CELF2: variants seen among roughly 807,000 people sequenced by gnomAD.
CELF2 encodes the protein CUGBP Elav-like family member 2, also known as CUG triplet repeat RNA-binding protein 2.
CELF2 carries 8 observed loss-of-function variants against 62.6 expected under a neutral mutation model. The observed-to-expected ratio is 0.13, with a 90% CI of 0.07 to 0.23. CELF2 has a LOEUF of 0.23. Among genes scored for constraint, CELF2 ranks in the 10% least tolerant of loss-of-function variants. CELF2 has a pLI of 1.00. For missense variants in CELF2, 333 were observed against 671.0 expected, an observed-to-expected ratio of 0.50 and a Z score of 5.56; for synonymous variants, 258 against 250.0, an observed-to-expected ratio of 1.03 and a Z score of -0.30.
At chr10:11,190,560 T>C (rs1051949375) in intron 2 of CELF2, among the ~76,000 whole-genome samples, 1 of 151,776 alleles carries the variant, frequency 6.6e-6, no homozygotes, top group East Asian at 1.9e-4. Context: ...AAGAAATGGC[T>C]GTTTAATCAC....
chr10:11,004,362 T>A (rs2054839787), upstream of CELF2, among the ~76,000 whole-genome samples: 1 of 152,132 alleles, frequency 6.6e-6, no homozygotes, highest in African/African-American at 2.4e-5. The surrounding 1 kb of genome is among the most constrained non-coding windows in gnomAD (Gnocchi z 5.0). Context: ...TAGCTTGCAC[T>A]TTTGATGACG....
intron 1 of CELF2, among the ~76,000 whole-genome samples, chr10:10,857,652 TATATA>T (rs1564727284): frequency 3.5e-4 from 28 of 80,202 alleles, no homozygotes; most frequent in Admixed American, 6.8e-4. Flanking sequence ...ATATATAGTA[TATATA>T]TATATATATA....
intron 1 of CELF2, among the ~76,000 whole-genome samples, chr10:11,130,117 C>G (rs2059393021): frequency 6.6e-6 from 1 of 152,170 alleles, no homozygotes; most frequent in Admixed American, 6.5e-5. Context: ...TTTCTGCCTT[C>G]ATTTCATTAT....
rs1421183323 is a variant in CELF2 at position 11,246,819 on chromosome 10, A to G, written c.355-2334A>G. Among the ~76,000 whole-genome samples, 2 of 152,264 alleles carry G rather than the reference A, an allele frequency of 1.3e-5. No individual in the cohort carries two copies. Among genetic ancestry groups the G allele is most frequent in the African/African-American group, 4.8e-5 (2 of 41,548 alleles). On this transcript the variant is annotated intron_variant, in intron 3 of 12. Transcript: ENST00000633077. The surrounding 1 kb of genome is among the most constrained non-coding windows in gnomAD (Gnocchi z 4.6). ...TGGCTTCACTGTCACGCTAAGGAAC[A>G]TTCTCTGTGGCCCTGGCCCGTCTCT...
intron 2 of CELF2, among the ~76,000 whole-genome samples, chr10:11,204,080 T>C (rs1423684442): frequency 6.6e-6 from 1 of 152,196 alleles, no homozygotes; most frequent in Non-Finnish European, 1.5e-5. Flanking sequence ...ATCGTTAACA[T>C]TATCCCCTCC....
intron 1 of CELF2, among the ~76,000 whole-genome samples, chr10:11,047,929 T>C (rs2063159377): frequency 6.6e-6 from 1 of 152,220 alleles, no homozygotes; most frequent in Admixed American, 6.5e-5. Flanking sequence ...CTCTTCTAGA[T>C]GTCAACTTTC....
chr10:11,267,783 T>C lies in CELF2; in HGVS notation c.618+1106T>C, dbSNP rs1403172247. ...CATGTTTTGTGGGCAACTTTTTTTA[T>C]AGTGAATCAAAAGGTGGGTGCAAAG... On this transcript the variant is annotated intron_variant, in intron 6 of 12. Transcript: ENST00000633077. The surrounding 1 kb of genome is among the most constrained non-coding windows in gnomAD (Gnocchi z 4.4). 1.3e-5 allele frequency among the ~76,000 whole-genome samples: 2 copies of C among 152,252 alleles called. No homozygotes were observed. The highest frequency in any genetic ancestry group is 1.3e-4 in the Admixed American group (2 of 15,290).
chr10:10,580,350 G>T, the CELF2 span, among the ~76,000 whole-genome samples: 2 of 152,128 alleles, frequency 1.3e-5, no homozygotes, highest in African/African-American at 4.8e-5. Context: ...TCTTAACCAT[G>T]CTGGCATCTA....
intron 1 of CELF2, among the ~76,000 whole-genome samples, chr10:10,913,379 C>CTT (rs34163796): frequency 0.044 from 2,520 of 57,354 alleles, 910 homozygotes; most frequent in African/African-American, 0.095. Context: ...GTAATGATGT[C>CTT]TTTTTTTTTT....
chr10:10,963,389 T>G (rs975967649), intron 2 of CELF2, among the ~76,000 whole-genome samples: 1 of 152,164 alleles, frequency 6.6e-6, no homozygotes, highest in Non-Finnish European at 1.5e-5. Context: ...AAAAAAATCT[T>G]CTCTTATATT....
chr10:11,193,734 G>T (rs1467359312), intron 2 of CELF2, among the ~76,000 whole-genome samples: 1 of 152,208 alleles, frequency 6.6e-6, no homozygotes, highest in Non-Finnish European at 1.5e-5. Context: ...TTAACCAAAA[G>T]AATGTGATCT....
Position 11,319,334 on chromosome 10 carries a change from G to A in CELF2, c.1097-1855G>A. The A allele has an allele frequency of 5.7e-6, 2 of 352,380 alleles. No homozygotes were observed. The highest frequency in any genetic ancestry group is 1.1e-5 in the Non-Finnish European group (2 of 176,914). 21.8% of individuals were successfully genotyped at this position (352,380 alleles called of 1,614,324 possible). On this transcript the variant is annotated intron_variant, in intron 10 of 12. Coordinates refer to ENST00000633077, the MANE Select transcript of CELF2 (RefSeq NM_001326342.2). The surrounding 1 kb of genome is among the most constrained non-coding windows in gnomAD (Gnocchi z 4.4). Reference sequence around the variant, plus strand: ...CCTTTGCATCACACAAATAGTGGGAGGTGAGGATGAAGTAAGATCACTGGA... The same window carrying A: ...CCTTTGCATCACACAAATAGTGGGAAGTGAGGATGAAGTAAGATCACTGGA...
intron 7 of CELF2, among the ~76,000 whole-genome samples, chr10:11,271,432 G>A (rs1321722312): frequency 2.6e-5 from 4 of 152,152 alleles, no homozygotes; most frequent in Admixed American, 2.6e-4. Context: ...CAGAATTTAA[G>A]ACAGTCCCCC....
the CELF2 span, among the ~76,000 whole-genome samples, chr10:10,653,363 G>A: frequency 3.4e-5 from 5 of 148,212 alleles, no homozygotes; most frequent in Non-Finnish European, 4.5e-5. Flanking sequence ...TGCACCAAGT[G>A]GACCTAATAG....
At chr10:10,918,613 A>C (rs2064564266) in intron 1 of CELF2, among the ~76,000 whole-genome samples, 1 of 152,186 alleles carries the variant, frequency 6.6e-6, no homozygotes, top group South Asian at 2.1e-4. Flanking sequence ...TCCTTTGTTG[A>C]GAAGGAAGTC....
At chr10:11,189,800 G>C (rs2075866669) in intron 2 of CELF2, among the ~76,000 whole-genome samples, 1 of 152,206 alleles carries the variant, frequency 6.6e-6, no homozygotes, top group East Asian at 1.9e-4. Context: ...AGGAATTCCA[G>C]CACCAGCGAT....
chr10:11,262,940 C>CTTTTTTTTTTGTTTTTTTTTTT (rs2081126050), intron 5 of CELF2, among the ~76,000 whole-genome samples: 1 of 52,766 alleles, frequency 1.9e-5, no homozygotes, highest in African/African-American at 6.9e-5. Context: ...AGTGGCTTTA[C>CTTTTTTTTTTGTTTTTTTTTTT]TTTTTTTTTT....
At chr10:11,188,136 G>A (rs544988583) in intron 2 of CELF2, among the ~76,000 whole-genome samples, 67 of 152,146 alleles carry the variant, frequency 4.4e-4, no homozygotes, top group African/African-American at 1.3e-3. Context: ...ACTGAGTTTC[G>A]CTCTTGTTGC....
chr10:11,121,157 A>G (rs1017793809), intron 1 of CELF2, among the ~76,000 whole-genome samples: 1 of 152,180 alleles, frequency 6.6e-6, no homozygotes, highest in Non-Finnish European at 1.5e-5. Context: ...CAAATTCAGA[A>G]ATAATAAAAT....
Sources: gnomAD v4.1 joint callset for allele counts (sites outside exome capture counted in the v4.1 genomes callset) on GRCh38, gnomAD v4.1.1 for gene constraint, Gnocchi (gnomAD v3.1) non-coding constraint, MANE v1.5 for transcripts, NCBI Gene and HGNC (gene_info 2026-07-23, HGNC 2026-07-21) for gene names.